PLCXD1: variants seen among roughly 807,000 people sequenced by gnomAD.
The protein encoded by PLCXD1 is phosphatidylinositol specific phospholipase C X domain containing 1, also known as PI-PLC X domain-containing protein 1.
PLCXD1 carries 45 observed loss-of-function variants against 37.8 expected under a neutral mutation model. That is an observed-to-expected ratio of 1.19 (90% CI 0.94 to 1.53). PLCXD1 has a LOEUF of 1.53. Ranked by LOEUF, PLCXD1 falls within the 40% of genes most tolerant of loss-of-function variation. The pLI is 0.00. For synonymous variants in PLCXD1, 246 were observed against 206.9 expected, an observed-to-expected ratio of 1.19 and a Z score of -1.62; for missense variants, 539 against 454.7, an observed-to-expected ratio of 1.19 and a Z score of -1.69.
chrX:279,987 T>G (rs1443543565), upstream of PLCXD1, among the ~76,000 whole-genome samples: 1 of 152,082 alleles, frequency 6.6e-6, no homozygotes, highest in Non-Finnish European at 1.5e-5. Flanking sequence ...TAGCTGGGAC[T>G]ACAGGCGCGC....
At position 291,668 on chromosome X, in the gene PLCXD1, G is replaced by A; in HGVS notation, c.549+14G>A. 1 of 1,611,826 alleles carries A rather than the reference G, an allele frequency of 6.2e-7. No homozygotes were observed. Among genetic ancestry groups the A allele is most frequent in the Non-Finnish European group, 8.5e-7 (1 of 1,179,412 alleles). On this transcript the variant is annotated intron_variant, in intron 5 of 6. Coordinates refer to ENST00000381657, the MANE Select transcript of PLCXD1 (RefSeq NM_018390.4). Reference sequence around the variant, plus strand: ...TGTCCTCGTGGGGTGAGGAGGGGAAGGATATCCGCACGTCTCTCCCGGGGC... The same window carrying A: ...TGTCCTCGTGGGGTGAGGAGGGGAAAGATATCCGCACGTCTCTCCCGGGGC...
At chrX:284,539 TAC>T (rs1182173757) in intron 2 of PLCXD1, among the ~76,000 whole-genome samples, 5 of 151,990 alleles carry the variant, frequency 3.3e-5, no homozygotes, top group Non-Finnish European at 5.9e-5. Flanking sequence ...CAGACATGCA[TAC>T]ACACAGGCAT....
chrX:282,994 T>C (rs1450762179), intron 1 of PLCXD1, among the ~76,000 whole-genome samples: 1 of 146,788 alleles, frequency 6.8e-6, no homozygotes, highest in Non-Finnish European at 1.5e-5. Flanking sequence ...ATATATTATA[T>C]GTATATATTA....
intron 3 of PLCXD1, 59 bp downstream of exon 3, chrX:288,928 C>T (rs2069542748): frequency 2.6e-6 from 4 of 1,561,218 alleles, no homozygotes; most frequent in East Asian, 2.2e-5. Flanking sequence ...GCCCACGGCC[C>T]CGTGGTGCTG....
intron 5 of PLCXD1, 41 bp downstream of exon 5, chrX:291,695 G>C: frequency 6.2e-7 from 1 of 1,602,668 alleles, no homozygotes; most frequent in Non-Finnish European, 8.5e-7. Flanking sequence ...TCCCGGGGCA[G>C]GGGCATCGTC....
intron 6 of PLCXD1, among the ~76,000 whole-genome samples, 171 bp downstream of exon 6, chrX:293,389 C>A (rs1350278980): frequency 2.6e-5 from 4 of 152,132 alleles, no homozygotes; most frequent in African/African-American, 9.7e-5. Flanking sequence ...TTCGGGAGGC[C>A]GAGGCGGGTG....
upstream of PLCXD1, among the ~76,000 whole-genome samples, chrX:280,080 C>G (rs1390924704): frequency 6.6e-6 from 1 of 152,206 alleles, no homozygotes; most frequent in African/African-American, 2.4e-5. Context: ...AACTCCTGAC[C>G]TCAGGTGATC....
chrX:282,939 TATATATTATA>T (rs2069316389), intron 1 of PLCXD1, among the ~76,000 whole-genome samples: 1 of 117,220 alleles, frequency 8.5e-6, no homozygotes, highest in Non-Finnish European at 1.6e-5. Flanking sequence ...GTATGTTATA[TATATATTATA>T]TATATATTAT....
At chrX:282,553 A>G (rs1461646758) in intron 1 of PLCXD1, among the ~76,000 whole-genome samples, 2 of 135,076 alleles carry the variant, frequency 1.5e-5, no homozygotes, top group Admixed American at 7.8e-5. Flanking sequence ...AAAAATACAA[A>G]AATTAAGCAG....
chrX:276,574 C>T (rs1488743567), upstream of PLCXD1, among the ~76,000 whole-genome samples: 4 of 152,136 alleles, frequency 2.6e-5, no homozygotes, highest in Non-Finnish European at 5.9e-5. Context: ...GGAGGGTCGC[C>T]TGGGATCTGT....
chrX:291,372 C>T (rs2069627992), intron 4 of PLCXD1, 127 bp from the exon 5 acceptor site: 6 of 993,330 alleles, frequency 6.0e-6, no homozygotes, highest in South Asian at 5.7e-5. Flanking sequence ...TCTCAAACTC[C>T]TAACCTCAGG....
At chrX:295,955 C>G (rs28391474) in intron 6 of PLCXD1, among the ~76,000 whole-genome samples, 1 of 151,686 alleles carries the variant, frequency 6.6e-6, no homozygotes. Context: ...ATTCTCCCGC[C>G]TCAGCCTCCC....
chrX:278,687 C>T (rs1425704829), upstream of PLCXD1, among the ~76,000 whole-genome samples: 5 of 142,728 alleles, frequency 3.5e-5, no homozygotes, highest in South Asian at 2.2e-4. Flanking sequence ...TGCAGTGAGC[C>T]GAGATTGCAC....
At chrX:292,029 T>C (rs988538520) in intron 5 of PLCXD1, among the ~76,000 whole-genome samples, 8 of 145,878 alleles carry the variant, frequency 5.5e-5, no homozygotes, top group Admixed American at 1.4e-4. Context: ...AGGCTGGGTG[T>C]GGTGGCTCAC....
At position 303,109 on chromosome X, in the gene PLCXD1, C is replaced by G. The variant is rs1020677704; in HGVS notation, c.*3774C>G. 3.0e-4 allele frequency: 45 copies of G among 152,220 alleles called. No homozygotes were observed. Among genetic ancestry groups the G allele is most frequent in the African/African-American group, 1.1e-3 (44 of 41,518 alleles). 9.4% of individuals were successfully genotyped at this position (152,220 alleles called of 1,614,324 possible). On this transcript the variant is annotated 3_prime_UTR_variant, in exon 7 of 7. Coordinates refer to ENST00000381657, the MANE Select transcript of PLCXD1 (RefSeq NM_018390.4). ...CAAAAATCCGCTTCTACTTTTGGTA[C>G]CCGGTTGCTACGGTGAAATGAAGGT...
intron 6 of PLCXD1, among the ~76,000 whole-genome samples, chrX:294,624 C>G (rs1050824705): frequency 2.2e-4 from 33 of 151,300 alleles, no homozygotes; most frequent in Non-Finnish European, 4.0e-4. Flanking sequence ...GAGCAAGACT[C>G]CATCTCAAAA....
chrX:299,761 G>GAA lies in PLCXD1; in HGVS notation c.*434_*435dup. The GAA allele has an allele frequency of 1.3e-5, 2 of 158,012 alleles. No individual in the cohort carries two copies. The highest frequency in any genetic ancestry group is 1.6e-4 in the East Asian group (1 of 6,206). The allele number at this position is 158,012 out of a possible 1,614,324, so 9.8% of individuals were successfully genotyped here. On this transcript the variant is annotated 3_prime_UTR_variant, in exon 7 of 7. Coordinates refer to ENST00000381657, the MANE Select transcript of PLCXD1 (RefSeq NM_018390.4). ...GATAGACCGAGACTCCATCTCAAAA[G>GAA]AAAAAAAAACAGCCGAGTGTGCAGT...
In PLCXD1 at chrX:288,804, C is replaced by G. The variant is rs746567045; in HGVS notation, c.199C>G (p.Gln67Glu). The part of the protein sequence containing the change: ...PISHEESRLL[Q>E]LLNKALPCIT... ...TTCGCACGAGGAGTCCCGGCTGCTG[C>G]AGCTGCTGAACAAGGCCTTGCCCTG... Residue 67 changes from glutamine to glutamate, a missense_variant, in exon 3 of 7, where the codon CAG (glutamine) becomes GAG (glutamate). By Grantham distance (29) the Gln-to-Glu change is conservative (BLOSUM62 2). Transcript: ENST00000381657. 4 of 1,613,656 alleles carry G rather than the reference C, an allele frequency of 2.5e-6. No individual in the cohort carries two copies. Among genetic ancestry groups the G allele is most frequent in the Non-Finnish European group, 3.4e-6 (4 of 1,179,580 alleles).
At chrX:293,333 A>G (rs917364564) in intron 6 of PLCXD1, 115 bp downstream of exon 6, 49 of 794,882 alleles carry the variant, frequency 6.2e-5, no homozygotes, top group African/African-American at 3.4e-4. Flanking sequence ...TTTAAAAGGA[A>G]TCCATGAGCT....
Sources: gnomAD v4.1 joint callset for allele counts (sites outside exome capture counted in the v4.1 genomes callset) on GRCh38, gnomAD v4.1.1 for gene constraint, MANE v1.5 for transcripts, NCBI Gene and HGNC (gene_info 2026-07-23, HGNC 2026-07-21) for gene names.